Variants in B3GALNT2 observed in about 807,000 individuals in gnomAD.
The protein encoded by B3GALNT2 is UDP-GalNAc:beta-1,3-N-acetylgalactosaminyltransferase 2.
Under a neutral mutation model 61.1 loss-of-function variants are expected in B3GALNT2, and 53 were observed. The observed-to-expected ratio is 0.87, with a 90% confidence interval of 0.70 to 1.09. The LOEUF (loss-of-function observed/expected upper bound fraction) is 1.09. B3GALNT2 is among the 50% of genes least tolerant of loss of function. The probability of loss-of-function intolerance (pLI) is 0.00; values close to 1 mark genes in which losing one functional copy is unlikely to be tolerated. For missense variants in B3GALNT2, 544 were observed against 623.0 expected (o/e 0.87, Z 1.35); for synonymous variants, 223 against 237.4 (o/e 0.94, Z 0.56).
intron 4 of B3GALNT2, among the ~76,000 whole-genome samples, chr1:235,483,636 G>A (rs571168924): frequency 1.8e-4 from 28 of 152,266 alleles, no homozygotes; most frequent in Middle Eastern, 3.4e-3. Context: ...GCCAGGTGTG[G>A]TGGCATGCAC....
intron 2 of B3GALNT2, among the ~76,000 whole-genome samples, chr1:235,489,547 CA>C (rs1339030420): frequency 6.6e-6 from 1 of 152,174 alleles, no homozygotes; most frequent in Non-Finnish European, 1.5e-5. Context: ...CATTTAAAAG[CA>C]AACTATAGTA....
At chr1:235,471,064 T>C in intron 5 of B3GALNT2, 104 bp from the exon 6 acceptor site, 6 of 1,526,380 alleles carry the variant, frequency 3.9e-6, no homozygotes, top group Non-Finnish European at 5.3e-6. Flanking sequence ...TCCCAAAACG[T>C]ATCATTTAAA....
At position 235,448,846 on chromosome 1, in the gene B3GALNT2, ACT is replaced by A; in HGVS notation, c.*1358_*1359del. On this transcript the variant is annotated 3_prime_UTR_variant, in exon 12 of 12. Coordinates refer to ENST00000366600, the MANE Select transcript of B3GALNT2 (RefSeq NM_152490.5). ...ATAAATGATTCACTGGAACAATTCT[ACT>A]GTCAAAACAAAGGGGGTTTACAACT... 9.7e-7 allele frequency: 1 copy of A among 1,032,156 alleles called. No individual in the cohort carries two copies. The highest frequency in any genetic ancestry group is 1.8e-5 in the Admixed American group (1 of 54,924). 63.9% of individuals were successfully genotyped at this position (1,032,156 alleles called of 1,614,324 possible).
At chr1:235,504,007 C>T (rs1285500530) in intron 1 of B3GALNT2, 134 bp downstream of exon 1, 2 of 977,294 alleles carry the variant, frequency 2.0e-6, no homozygotes, top group Non-Finnish European at 2.6e-6. Context: ...TGAAAAGAGC[C>T]GTTTGTTTCG....
downstream of B3GALNT2, among the ~76,000 whole-genome samples, chr1:235,445,238 G>GCACT (rs749821890): frequency 3.3e-5 from 5 of 152,142 alleles, no homozygotes; most frequent in East Asian, 3.9e-4. Flanking sequence ...TCTCAAATGT[G>GCACT]CACTCACTCA....
chr1:235,478,145 C>T lies in B3GALNT2; in HGVS notation c.651+1909G>A, dbSNP rs113272031. ...TCTTGGCTCACTGCAACCTGTCCCC[C>T]GGGTTCAAGCGATACTCCTGCCTCA... On this transcript the variant is annotated intron_variant, in intron 5 of 11. Transcript: ENST00000366600. Among the ~76,000 whole-genome samples, 863 of 152,168 alleles carry T rather than the reference C, an allele frequency of 5.7e-3. 7 individuals are homozygous for T. The highest frequency in any genetic ancestry group is 0.02 in the African/African-American group (819 of 41,536).
chr1:235,471,784 T>G (rs916260469), intron 5 of B3GALNT2, among the ~76,000 whole-genome samples: 4 of 152,174 alleles, frequency 2.6e-5, no homozygotes, highest in Non-Finnish European at 4.4e-5. Flanking sequence ...TGCTTCAGCC[T>G]CCCGCGTAGC....
At position 235,448,500 on chromosome 1, in the gene B3GALNT2, A is replaced by T; in HGVS notation, c.*1706T>A. 2 of 1,526,474 alleles carry T rather than the reference A, an allele frequency of 1.3e-6. No individual in the cohort carries two copies. Among genetic ancestry groups the T allele is most frequent in the Non-Finnish European group, 1.8e-6 (2 of 1,100,378 alleles). The allele number at this position is 1,526,474 out of a possible 1,614,324, so 94.6% of individuals were successfully genotyped here. A position where few individuals can be genotyped will look rare whatever the true frequency, so the allele number is the denominator to read the frequency against. On this transcript the variant is annotated 3_prime_UTR_variant, in exon 12 of 12. Coordinates refer to ENST00000366600, the MANE Select transcript of B3GALNT2 (RefSeq NM_152490.5). ...AGCTTAGTCCTCGTATTATGACATT[A>T]AACTGTCTCTAGATAGCAACAGTTT...
Position 235,449,013 on chromosome 1 carries a change from T to C in B3GALNT2, c.*1193A>G, listed in dbSNP as rs771392750. Reference sequence around the variant, plus strand: ...CATATTTATTTTTACAGCTCATCACTGCATTTCATGATAAGATTTAAATAT... The same window carrying C: ...CATATTTATTTTTACAGCTCATCACCGCATTTCATGATAAGATTTAAATAT... On this transcript the variant is annotated 3_prime_UTR_variant, in exon 12 of 12. Transcript: ENST00000366600. The C allele has an allele frequency of 1.0e-5, 4 of 394,918 alleles. No homozygotes were observed. The highest frequency in any genetic ancestry group is 1.9e-5 in the Non-Finnish European group (4 of 210,794). The allele number at this position is 394,918 out of a possible 1,614,324, so 24.5% of individuals were successfully genotyped here.
At position 235,448,132 on chromosome 1, in the gene B3GALNT2, G is replaced by A. The variant is rs571533388; in HGVS notation, c.*2074C>T. On this transcript the variant is annotated 3_prime_UTR_variant, in exon 12 of 12. Coordinates refer to ENST00000366600, the MANE Select transcript of B3GALNT2 (RefSeq NM_152490.5). ...GGAGAATTGTTTGAACCCGGGAAGC[G>A]GAGGTTGCAGTGAGCCGAGATTACA... is the stretch of plus-strand genomic sequence containing the variant. Among the ~76,000 whole-genome samples the A allele has an allele frequency of 2.0e-5, 3 of 151,356 alleles. No homozygotes were observed. Among genetic ancestry groups the A allele is most frequent in the African/African-American group, 7.3e-5 (3 of 41,138 alleles).
intron 7 of B3GALNT2, among the ~76,000 whole-genome samples, chr1:235,462,788 T>C (rs558994744): frequency 2.0e-5 from 3 of 152,296 alleles, no homozygotes; most frequent in African/African-American, 7.2e-5. Flanking sequence ...TAGAATGCAA[T>C]CCCTGATGGG....
chr1:235,501,939 G>A (rs1282587585), intron 1 of B3GALNT2, among the ~76,000 whole-genome samples: 1 of 152,126 alleles, frequency 6.6e-6, no homozygotes, highest in Admixed American at 6.5e-5. Context: ...TAGCATTTAA[G>A]ATGCTTCCAC....
Position 235,455,725 on chromosome 1 carries a change from C to A in B3GALNT2, c.1026-41G>T, listed in dbSNP as rs370892767. The A allele has an allele frequency of 4.5e-6, 7 of 1,565,410 alleles. No individual in the cohort carries two copies. In the South Asian group the frequency reaches 6.7e-5, roughly 15 times the overall value. On this transcript the variant is annotated intron_variant, in intron 8 of 11. Transcript: ENST00000366600. ...GGATAAGAAAGTCAGTGCGACCAAA[C>A]AAACAAACACCAATGCAGTGGCGTC...
intron 9 of B3GALNT2, 23 bp from the exon 10 acceptor site, chr1:235,454,338 C>G (rs1385798283): frequency 1.9e-6 from 3 of 1,593,560 alleles, no homozygotes; most frequent in Non-Finnish European, 1.7e-6. Flanking sequence ...ATAATGTGGC[C>G]TCTTGTGTTA....
intron 2 of B3GALNT2, 79 bp from the exon 3 acceptor site, chr1:235,489,347 CT>C: frequency 1.3e-6 from 2 of 1,572,080 alleles, no homozygotes; most frequent in Non-Finnish European, 1.7e-6. Context: ...CATTTCAGAG[CT>C]TTTACTTTGA....
At chr1:235,466,752 T>A (rs775032253) in intron 6 of B3GALNT2, among the ~76,000 whole-genome samples, 12 of 152,230 alleles carry the variant, frequency 7.9e-5, no homozygotes, top group Non-Finnish European at 1.3e-4. Context: ...ATTAAAGAGT[T>A]ATCTCTCTTC....
chr1:235,463,149 T>C (rs550632609), intron 7 of B3GALNT2, among the ~76,000 whole-genome samples: 1 of 152,320 alleles, frequency 6.6e-6, no homozygotes, highest in East Asian at 1.9e-4. Flanking sequence ...ACATCGTATG[T>C]TCTCACTCAT....
At chr1:235,479,956 C>A in intron 5 of B3GALNT2, 98 bp downstream of exon 5, 1 of 1,525,094 alleles carries the variant, frequency 6.6e-7, no homozygotes, top group Non-Finnish European at 8.8e-7. Context: ...GAGTGCTGCC[C>A]TGGTACAAGA....
At chr1:235,483,033 C>T (rs1684630474) in intron 4 of B3GALNT2, among the ~76,000 whole-genome samples, 1 of 151,864 alleles carries the variant, frequency 6.6e-6, no homozygotes, top group South Asian at 2.1e-4. Context: ...AAACAATGAA[C>T]ACATAGGAAA....
Sources: gnomAD v4.1 joint callset for allele counts (sites outside exome capture counted in the v4.1 genomes callset) on GRCh38, gnomAD v4.1.1 for gene constraint, MANE v1.5 for transcripts, NCBI Gene and HGNC (gene_info 2026-07-23, HGNC 2026-07-21) for gene names.